Variants in ADCK1 observed in about 807,000 individuals in gnomAD.
The protein encoded by ADCK1 is aarF domain containing kinase 1, also known as aarF domain-containing protein kinase 1.
In ADCK1, 41 loss-of-function variants were observed where a neutral mutation model predicts 52.3. The ratio of observed to expected loss-of-function variants is 0.78; its 90% CI spans 0.61 to 1.02. ADCK1 has a LOEUF of 1.02. Ranked by LOEUF, ADCK1 falls within the 50% of genes least tolerant of loss-of-function variation. ADCK1 has a pLI of 0.00. For synonymous variants in ADCK1, 250 were observed against 274.6 expected (o/e 0.91, Z 0.89); for missense variants, 658 against 679.5 (o/e 0.97, Z 0.35).
chr14:77,884,894 C>T (rs545104746), intron 4 of ADCK1, among the ~76,000 whole-genome samples: 44 of 152,342 alleles, frequency 2.9e-4, no homozygotes, highest in African/African-American at 1.0e-3. Context: ...TCACACCTGC[C>T]TTGGAGGAAC....
chr14:77,885,499 A>G (rs536309924), intron 4 of ADCK1, among the ~76,000 whole-genome samples: 1 of 152,316 alleles, frequency 6.6e-6, no homozygotes, highest in Non-Finnish European at 1.5e-5. Context: ...AGTGAAAGCT[A>G]CAACAATGAT....
At chr14:77,816,620 A>G (rs2081456752) in intron 1 of ADCK1, among the ~76,000 whole-genome samples, 1 of 152,240 alleles carries the variant, frequency 6.6e-6, no homozygotes, top group Middle Eastern at 3.4e-3. Flanking sequence ...GACCCTGCAC[A>G]TCTGTTAATC....
intron 7 of ADCK1, among the ~76,000 whole-genome samples, chr14:77,910,723 C>T (rs970908519): frequency 1.3e-5 from 2 of 152,192 alleles, no homozygotes; most frequent in Non-Finnish European, 2.9e-5. Flanking sequence ...CAGAAAGGTG[C>T]GCTCTGGGTA....
At chr14:77,917,617 C>T (rs1235285387) in intron 7 of ADCK1, among the ~76,000 whole-genome samples, 2 of 152,056 alleles carry the variant, frequency 1.3e-5, no homozygotes, top group African/African-American at 4.8e-5. Context: ...TTTTTTTCCC[C>T]TCCCTACTGT....
At chr14:77,911,764 C>T (rs1384228538) in intron 7 of ADCK1, among the ~76,000 whole-genome samples, 1 of 149,022 alleles carries the variant, frequency 6.7e-6, no homozygotes. Flanking sequence ...TTAATGTTTA[C>T]TGACTGCCTG....
rs1429025591 is a variant in ADCK1, at chr14:77,933,336, AGCTGGCTGACCGGGTCTTGGCCCTAATAT to A, written c.1526_1554del (p.Asp509ValfsTer171). On this transcript the variant is annotated frameshift_variant, in exon 11 of 11. Transcript: ENST00000238561. LOFTEE classifies it high-confidence loss of function. ...CTCATCCTGCGTGTGAAGGGGTTGA[AGCTGGCTGACCGGGTCTTGGCCCTAATAT>A]GCTGGCTGTTCCCTGCTCCACTCTG... 3.1e-6 allele frequency: 5 copies of A among 1,614,038 alleles called. No individual in the cohort carries two copies. Among genetic ancestry groups the A allele is most frequent in the African/African-American group, 1.3e-5 (1 of 74,904 alleles).
chr14:77,858,680 A>G (rs74899605), intron 3 of ADCK1, among the ~76,000 whole-genome samples: 29,158 of 152,046 alleles, frequency 0.19, 3,926 homozygotes, highest in African/African-American at 0.38. Flanking sequence ...AAACAAACAA[A>G]GCATAATTGG....
intron 1 of ADCK1, among the ~76,000 whole-genome samples, chr14:77,803,685 G>C (rs866481955): frequency 2.6e-5 from 4 of 152,164 alleles, no homozygotes; most frequent in African/African-American, 9.7e-5. Context: ...TCTAGTGGGA[G>C]GCATTGGTTG....
At position 77,852,656 on chromosome 14, in the gene ADCK1, A is replaced by ATATAT. The variant is rs1566666909; in HGVS notation, c.220-6420_220-6419insTATAT. On this transcript the variant is annotated intron_variant, in intron 3 of 10. Coordinates refer to ENST00000238561, the MANE Select transcript of ADCK1 (RefSeq NM_020421.4). ...ATTTCAGCCATTATTTCTTTAAATA[A>ATATAT]ATAAATATATATATATATATATATA... is the stretch of plus-strand genomic sequence containing the variant. Among the ~76,000 whole-genome samples, 151 of 26,028 alleles carry ATATAT rather than the reference A, an allele frequency of 5.8e-3. 1 individual carries two copies. Among genetic ancestry groups the ATATAT allele is most frequent in the Non-Finnish European group, 0.012 (123 of 10,288 alleles). The allele number at this position is 26,028 out of a possible 152,430, so 17.1% of individuals were successfully genotyped here. A position where few individuals can be genotyped will look rare whatever the true frequency, so the allele number is the denominator to read the frequency against.
At chr14:77,833,321 G>A (rs1400862540) in intron 3 of ADCK1, among the ~76,000 whole-genome samples, 1 of 152,212 alleles carries the variant, frequency 6.6e-6, no homozygotes, top group African/African-American at 2.4e-5. Context: ...TTTTCAGTGA[G>A]TTTTCAAGCA....
chr14:77,828,727 A>G (rs144428781), intron 3 of ADCK1, among the ~76,000 whole-genome samples: 1,745 of 152,040 alleles, frequency 0.011, 32 homozygotes, highest in African/African-American at 0.04. Flanking sequence ...GGGTTTCACT[A>G]TGTTGGTTAG....
At chr14:77,835,537 C>T (rs1280335298) in intron 3 of ADCK1, among the ~76,000 whole-genome samples, 2 of 152,200 alleles carry the variant, frequency 1.3e-5, no homozygotes, top group Non-Finnish European at 2.9e-5. Flanking sequence ...GGACAGCACC[C>T]AGGTGGTTCA....
At chr14:77,884,528 A>G (rs1039213855) in intron 4 of ADCK1, among the ~76,000 whole-genome samples, 6 of 152,050 alleles carry the variant, frequency 3.9e-5, no homozygotes, top group African/African-American at 1.5e-4. Flanking sequence ...AGAACACTAT[A>G]TCCATCAGAG....
intron 4 of ADCK1, among the ~76,000 whole-genome samples, chr14:77,862,291 T>C (rs537259643): frequency 8.5e-4 from 130 of 152,058 alleles, no homozygotes; most frequent in African/African-American, 3.0e-3. Context: ...AAAAGTGACC[T>C]CGTTCTGGAC....
At chr14:77,922,971 G>A (rs951022679) in intron 7 of ADCK1, among the ~76,000 whole-genome samples, 2 of 152,194 alleles carry the variant, frequency 1.3e-5, no homozygotes, top group Non-Finnish European at 2.9e-5. Context: ...CACGTTGAAC[G>A]CAGAGTCGTA....
chr14:77,900,105 A>C (rs907388190), intron 6 of ADCK1, among the ~76,000 whole-genome samples: 4 of 151,542 alleles, frequency 2.6e-5, no homozygotes, highest in Admixed American at 6.6e-5. Flanking sequence ...TCAGTAATAC[A>C]GTAATATAGG....
intron 10 of ADCK1, among the ~76,000 whole-genome samples, chr14:77,932,778 T>A (rs1228389567): frequency 6.6e-6 from 1 of 152,206 alleles, no homozygotes; most frequent in Non-Finnish European, 1.5e-5. Context: ...CAGAAGGGAT[T>A]GAGCTGGGCT....
At chr14:77,877,466 G>A (rs945317298) in intron 4 of ADCK1, among the ~76,000 whole-genome samples, 4 of 152,316 alleles carry the variant, frequency 2.6e-5, no homozygotes, top group East Asian at 1.9e-4. Context: ...AGAATTCACG[G>A]CCCTCATCAG....
At chr14:77,881,334 T>C (rs908484009) in intron 4 of ADCK1, among the ~76,000 whole-genome samples, 2 of 152,146 alleles carry the variant, frequency 1.3e-5, no homozygotes, top group African/African-American at 4.8e-5. Flanking sequence ...GGCAGCTCAC[T>C]TCTCCCAGAG....
Sources: gnomAD v4.1 joint callset for allele counts (sites outside exome capture counted in the v4.1 genomes callset) on GRCh38, gnomAD v4.1.1 for gene constraint, MANE v1.5 for transcripts, NCBI Gene and HGNC (gene_info 2026-07-23, HGNC 2026-07-21) for gene names.